Variants in HDAC2 observed in about 807,000 individuals in gnomAD.
HDAC2 encodes YY1-associated factor 1.
A neutral mutation model predicts 68.5 loss-of-function variants in HDAC2; 5 were observed. That is an observed-to-expected ratio of 0.07 (90% CI 0.04 to 0.15). The LOEUF is 0.15. Among genes scored for constraint, HDAC2 ranks in the 10% least tolerant of loss-of-function variants. The pLI, the probability that HDAC2 is intolerant of heterozygous loss-of-function variation, is 1.00. For missense variants in HDAC2, 291 were observed against 600.8 expected, an observed-to-expected ratio of 0.48 and a Z score of 5.39; for synonymous variants, 182 against 191.3, an observed-to-expected ratio of 0.95 and a Z score of 0.40.
intron 3 of HDAC2, 130 bp from the exon 4 acceptor site, chr6:113,956,823 TATAA>T (rs1562146377): frequency 1.6e-6 from 1 of 624,828 alleles, no homozygotes; most frequent in Non-Finnish European, 2.8e-6. Context: ...CACAGTATAA[TATAA>T]AGTTTCCAAC....
At chr6:113,962,760 G>A (rs922183913) in intron 1 of HDAC2, among the ~76,000 whole-genome samples, 2 of 151,752 alleles carry the variant, frequency 1.3e-5, no homozygotes, top group African/African-American at 2.4e-5. Context: ...TCAAGAGATC[G>A]AGACCTTCCT....
At chr6:113,949,786 C>T (rs1043783496) in intron 6 of HDAC2, among the ~76,000 whole-genome samples, 8 of 145,452 alleles carry the variant, frequency 5.5e-5, no homozygotes, top group African/African-American at 2.5e-5. Flanking sequence ...CAGATTTGTT[C>T]TTTTTTTTTT....
Position 113,970,600 on chromosome 6 carries a change from G to A in HDAC2, c.52+257C>T, listed in dbSNP as rs1776968644. 3.1e-6 allele frequency: 4 copies of A among 1,297,610 alleles called. No individual in the cohort carries two copies. The African/African-American group carries it at 4.7e-5, about 15-fold the overall frequency. The allele number at this position is 1,297,610 out of a possible 1,614,324, so 80.4% of individuals were successfully genotyped here. A position where few individuals can be genotyped will look rare whatever the true frequency, so the allele number is the denominator to read the frequency against. ...CAGCGGCGGCCACCTTCGAGGCTGC[G>A]GACTGCACGGCCGAAGGGGGAGAGG... On this transcript the variant is annotated intron_variant, in intron 1 of 13. Coordinates refer to ENST00000519065, the MANE Select transcript of HDAC2 (RefSeq NM_001527.4).
At chr6:113,965,089 C>T (rs1325051565) in intron 1 of HDAC2, among the ~76,000 whole-genome samples, 1 of 152,200 alleles carries the variant, frequency 6.6e-6, no homozygotes, top group Non-Finnish European at 1.5e-5. Context: ...AGAATGCATT[C>T]TATTTGAGAA....
intron 1 of HDAC2, chr6:113,970,353 G>T (rs1776954525): frequency 1.7e-6 from 1 of 586,268 alleles, no homozygotes; most frequent in Non-Finnish European, 2.2e-6. Context: ...GAGGAGGAGG[G>T]AAGGGGACGG....
Position 113,959,986 on chromosome 6 carries a change from G to T in HDAC2, c.85C>A (p.His29Asn). Residue 29 changes from histidine to asparagine, a missense_variant, in exon 2 of 14, where the codon CAT becomes AAT. Around this residue, in one of 2 missense-constraint regions of HDAC2, gnomAD observed 154 missense variants for 472.1 expected, o/e 0.33. Transcript: ENST00000519065. ...DIGNYYYGQG[H>N]PMKPHRIRMT... ...CGGATTCTATGAGGCTTCATGGGAT[G>T]ACCCTGTCCATAATAATAATTTCCA... The T allele has an allele frequency of 6.3e-7, 1 of 1,581,840 alleles. No homozygotes were observed. Among genetic ancestry groups the T allele is most frequent in the Non-Finnish European group, 8.7e-7 (1 of 1,151,010 alleles).
At chr6:113,952,376 T>C (rs1776440893) in intron 6 of HDAC2, among the ~76,000 whole-genome samples, 1 of 152,216 alleles carries the variant, frequency 6.6e-6, no homozygotes, top group Non-Finnish European at 1.5e-5. Context: ...AGGTAACTCT[T>C]TTACTCAAAG....
chr6:113,944,516 C>T, intron 10 of HDAC2, 106 bp from the exon 11 acceptor site: 1 of 902,384 alleles, frequency 1.1e-6, no homozygotes, highest in Non-Finnish European at 1.7e-6. Context: ...TCTAGCTAAA[C>T]CTATATATTA....
At chr6:113,947,810 A>G (rs1436399231) in intron 8 of HDAC2, 1 of 152,160 alleles carries the variant, frequency 6.6e-6, no homozygotes, top group Non-Finnish European at 1.5e-5. Context: ...CTGGTATAGT[A>G]GCAATCATAA....
Position 113,956,656 on chromosome 6 carries a change from G to C in HDAC2, c.321C>G (p.Leu107=). The part of the protein sequence containing the change: ...VGEDCPVFDG[L]FEFCQLSTGG... The stretch of plus-strand genomic sequence containing the variant: ...CAGTTGAGAGCTGACAAAACTCAAA[G>C]AGTCCATCAAACACTGGACAATCTT... The change falls in exon 4 of 14, where the codon CTC becomes CTG. Residue 107 remains leucine, a synonymous_variant. Coordinates refer to ENST00000519065, the MANE Select transcript of HDAC2 (RefSeq NM_001527.4). 1 of 1,613,216 alleles carries C rather than the reference G, an allele frequency of 6.2e-7. No individual in the cohort carries two copies. Among genetic ancestry groups the C allele is most frequent in the Non-Finnish European group, 8.5e-7 (1 of 1,179,324 alleles).
At chr6:113,959,864 A>T (rs893209299) in intron 2 of HDAC2, 42 bp downstream of exon 2, 6 of 834,506 alleles carry the variant, frequency 7.2e-6, no homozygotes, top group African/African-American at 3.5e-5. Context: ...AAAAAAAAAT[A>T]AAAAAGATCA....
chr6:113,958,428 A>G (rs1776606392), intron 3 of HDAC2: 5 of 394,908 alleles, frequency 1.3e-5, no homozygotes, highest in South Asian at 3.4e-5. Context: ...AACTAGGAGT[A>G]GAAGAATACC....
chr6:113,967,148 CT>C (rs902014721), intron 1 of HDAC2, among the ~76,000 whole-genome samples: 70 of 149,876 alleles, frequency 4.7e-4, no homozygotes, highest in African/African-American at 1.7e-3. Flanking sequence ...ATCTTGGTAA[CT>C]TTTTTTTTTG....
intron 6 of HDAC2, among the ~76,000 whole-genome samples, chr6:113,949,765 G>A (rs1230038494): frequency 6.6e-6 from 1 of 151,852 alleles, no homozygotes; most frequent in Non-Finnish European, 1.5e-5. Context: ...AACAGCTACC[G>A]ACTAAAGCAC....
At chr6:113,944,252 A>T in intron 11 of HDAC2, 28 bp downstream of exon 11, 1 of 1,590,834 alleles carries the variant, frequency 6.3e-7, no homozygotes, top group Non-Finnish European at 8.6e-7. Context: ...CATTTTGACA[A>T]ATTGGAAAAA....
At position 113,953,403 on chromosome 6, in the gene HDAC2, G is replaced by A; in HGVS notation, c.513C>T (p.Val171=). The stretch of plus-strand genomic sequence containing the variant: ...GATGAATATCTATATCAATATATAA[G>A]ACTCTCTGATGATACCTGAAAACAA... ...ILELLKYHQR[V]LYIDIDIHHG... The change falls in exon 6 of 14, where the codon GTC becomes GTT. Residue 171 remains valine, a synonymous_variant. Coordinates refer to ENST00000519065, the MANE Select transcript of HDAC2 (RefSeq NM_001527.4). 2.5e-6 allele frequency: 4 copies of A among 1,574,526 alleles called. No individual in the cohort carries two copies. Among genetic ancestry groups the A allele is most frequent in the Non-Finnish European group, 3.5e-6 (4 of 1,147,938 alleles).
intron 6 of HDAC2, 36 bp downstream of exon 6, chr6:113,953,241 T>C: frequency 2.0e-6 from 3 of 1,527,028 alleles, no homozygotes; most frequent in African/African-American, 1.4e-5. Flanking sequence ...CCTAGGTTCA[T>C]CTCACAATAT....
At position 113,956,160 on chromosome 6, in the gene HDAC2, T is replaced by G; in HGVS notation, c.359-9A>C. On this transcript the variant is annotated splice_polypyrimidine_tract_variant and intron_variant, in intron 4 of 13. Transcript: ENST00000519065. ...TAACTTCACAGCTCCAGCTAAGAAG[T>G]AGAAACAAGATAGACCTTTTAAACA... The G allele has an allele frequency of 1.3e-6, 2 of 1,594,882 alleles. No individual in the cohort carries two copies. The highest frequency in any genetic ancestry group is 1.7e-6 in the Non-Finnish European group (2 of 1,173,854).
chr6:113,959,596 TAAAAAAAAAA>T (rs771822379), intron 2 of HDAC2: 10 of 122,264 alleles, frequency 8.2e-5, no homozygotes, highest in Non-Finnish European at 1.4e-4. Context: ...ACAATTATTG[TAAAAAAAAAA>T]AAAAAAAAAA....
Sources: gnomAD v4.1 joint callset for allele counts (sites outside exome capture counted in the v4.1 genomes callset) on GRCh38, gnomAD v4.1.1 for gene constraint, gnomAD v4.1.1 regional missense constraint, MANE v1.5 for transcripts, NCBI Gene and HGNC (gene_info 2026-07-23, HGNC 2026-07-21) for gene names.